CYB5RL: variants seen among roughly 807,000 people sequenced by gnomAD.
CYB5RL encodes cytochrome b5 reductase like.
CYB5RL carries 38 observed loss-of-function variants against 37.5 expected under a neutral mutation model. The ratio of observed to expected loss-of-function variants is 1.01; its 90% CI spans 0.78 to 1.33. The LOEUF (loss-of-function observed/expected upper bound fraction) is 1.33. Ranked by LOEUF, CYB5RL falls within the 40% of genes most tolerant of loss-of-function variation. The pLI is 0.00. For synonymous variants in CYB5RL, 141 were observed against 151.9 expected, an observed-to-expected ratio of 0.93 and a Z score of 0.53; for missense variants, 388 against 394.4, an observed-to-expected ratio of 0.98 and a Z score of 0.14.
rs1659889187 is a variant in CYB5RL at position 54,171,417 on chromosome 1, A to G, written c.*3202T>C. 2.2e-6 allele frequency: 1 copy of G among 456,004 alleles called. No individual in the cohort carries two copies. Among genetic ancestry groups the G allele is most frequent in the Admixed American group, 2.4e-5 (1 of 42,530 alleles). The allele number at this position is 456,004 out of a possible 1,614,324, so 28.2% of individuals were successfully genotyped here. A position where few individuals can be genotyped will look rare whatever the true frequency, so the allele number is the denominator to read the frequency against. On this transcript the variant is annotated 3_prime_UTR_variant, in exon 8 of 8. Coordinates refer to ENST00000534324, the MANE Select transcript of CYB5RL (RefSeq NM_001031672.4). ...AGGCTTGGATTTGTGTGTGGGGAAA[A>G]CTGGTCTGGTCTCAGCGTGGAGGTG...
intron 7 of CYB5RL, among the ~76,000 whole-genome samples, chr1:54,176,314 C>T (rs1219341235): frequency 6.6e-6 from 1 of 152,216 alleles, no homozygotes; most frequent in Non-Finnish European, 1.5e-5. Context: ...GGCAGGATCG[C>T]TTGAGCCCAG....
intron 4 of CYB5RL, among the ~76,000 whole-genome samples, chr1:54,190,381 C>G (rs1357604968): frequency 1.3e-5 from 2 of 152,224 alleles, no homozygotes; most frequent in Admixed American, 1.3e-4. Context: ...CCTTCAAATC[C>G]TGGCTCCAAC....
chr1:54,193,368 T>C (rs1418948612), intron 3 of CYB5RL, among the ~76,000 whole-genome samples: 1 of 152,062 alleles, frequency 6.6e-6, no homozygotes, highest in African/African-American at 2.4e-5. Flanking sequence ...AGTCCTGAGT[T>C]AGGAAGAGAA....
At chr1:54,187,344 T>G (rs1319795435) in intron 5 of CYB5RL, among the ~76,000 whole-genome samples, 1 of 152,140 alleles carries the variant, frequency 6.6e-6, no homozygotes, top group Non-Finnish European at 1.5e-5. Context: ...CACTGCCAAT[T>G]TGTACTCCTT....
intron 3 of CYB5RL, among the ~76,000 whole-genome samples, chr1:54,194,839 C>T (rs1643991463): frequency 6.6e-6 from 1 of 152,142 alleles, no homozygotes; most frequent in African/African-American, 2.4e-5. Flanking sequence ...CTCAGTTTCC[C>T]TATCTGTGTT....
chr1:54,179,073 A>T (rs975346209), intron 7 of CYB5RL, 76 bp downstream of exon 7: 291 of 1,511,884 alleles, frequency 1.9e-4, no homozygotes, highest in Non-Finnish European at 2.5e-4. Flanking sequence ...AAAAGAGGCT[A>T]GAGCTGGTCC....
In CYB5RL at chr1:54,184,042, G is replaced by C; in HGVS notation, c.540+119C>G. ...CATCTTCTCCCATGTCCAACCCCAA[G>C]GATACACCTGGGATTGTGTTTGAGC... On this transcript the variant is annotated intron_variant, in intron 6 of 7. Transcript: ENST00000534324. 2.8e-6 allele frequency: 2 copies of C among 715,628 alleles called. 1 individual carries two copies. The highest frequency in any genetic ancestry group is 4.2e-5 in the South Asian group (2 of 47,164). The allele number at this position is 715,628 out of a possible 1,614,324, so 44.3% of individuals were successfully genotyped here.
chr1:54,183,393 C>G (rs1259337983), intron 6 of CYB5RL, among the ~76,000 whole-genome samples: 1 of 152,190 alleles, frequency 6.6e-6, no homozygotes, highest in African/African-American at 2.4e-5. Flanking sequence ...TTGGTACATA[C>G]TGTCAAAATG....
chr1:54,198,109 G>A (rs1165017264), intron 1 of CYB5RL, among the ~76,000 whole-genome samples: 1 of 150,472 alleles, frequency 6.6e-6, no homozygotes, highest in Non-Finnish European at 1.5e-5. Context: ...CCGGGCATAT[G>A]GAAGGTTCCC....
intron 3 of CYB5RL, 34 bp downstream of exon 3, chr1:54,195,380 GTTGCC>G: frequency 2.6e-6 from 4 of 1,519,646 alleles, no homozygotes; most frequent in Non-Finnish European, 3.5e-6. Context: ...CAAGTAGATT[GTTGCC>G]CTGGTGCTCA....
At chr1:54,183,019 C>T (rs1660204314) in intron 6 of CYB5RL, among the ~76,000 whole-genome samples, 1 of 152,176 alleles carries the variant, frequency 6.6e-6, no homozygotes, top group African/African-American at 2.4e-5. Context: ...CCCATAATTT[C>T]ACCACCCAGA....
At chr1:54,182,469 T>C (rs1660191463) in intron 6 of CYB5RL, among the ~76,000 whole-genome samples, 1 of 152,112 alleles carries the variant, frequency 6.6e-6, no homozygotes, top group Admixed American at 6.5e-5. Context: ...GTGTTTTTTC[T>C]TTTCTTTTTT....
In CYB5RL at chr1:54,171,434, G is replaced by A. The variant is rs1367766926; in HGVS notation, c.*3185C>T. On this transcript the variant is annotated 3_prime_UTR_variant, in exon 8 of 8. Coordinates refer to ENST00000534324, the MANE Select transcript of CYB5RL (RefSeq NM_001031672.4). ...TGGGGAAAACTGGTCTGGTCTCAGC[G>A]TGGAGGTGGCATGGAGACTGGGAGC... The A allele has an allele frequency of 1.1e-5, 5 of 456,162 alleles. No homozygotes were observed. Among genetic ancestry groups the A allele is most frequent in the African/African-American group, 2.0e-5 (1 of 50,046 alleles). The allele number at this position is 456,162 out of a possible 1,614,324, so 28.3% of individuals were successfully genotyped here.
chr1:54,179,340 G>C lies in CYB5RL; in HGVS notation c.553C>G (p.Leu185Val). 1 of 1,612,992 alleles carries C rather than the reference G, an allele frequency of 6.2e-7. No individual in the cohort carries two copies. Among genetic ancestry groups the C allele is most frequent in the Non-Finnish European group, 8.5e-7 (1 of 1,179,710 alleles). The stretch of plus-strand genomic sequence containing the variant: ...AGGCCCGTGCCCGCAGCCAGCAAGA[G>C]GAGCTCACCATACTGGGGAACAGAA... ...FYKPNQYGEL[L>V]LLAAGTGLAP... Residue 185 changes from leucine (L) to valine (V), a missense_variant, in exon 7 of 8, where the codon CTC (leucine) becomes GTC (valine). Coordinates refer to ENST00000534324, the MANE Select transcript of CYB5RL (RefSeq NM_001031672.4).
chr1:54,191,404 C>T (rs1231326029), intron 3 of CYB5RL, among the ~76,000 whole-genome samples: 2 of 152,162 alleles, frequency 1.3e-5, no homozygotes, highest in Non-Finnish European at 2.9e-5. Flanking sequence ...GAATGTCTAA[C>T]CCAATATCTG....
chr1:54,187,543 ATGT>A (rs1643911801), intron 5 of CYB5RL, 106 bp downstream of exon 5: 4 of 1,056,840 alleles, frequency 3.8e-6, no homozygotes, highest in African/African-American at 3.2e-5. Context: ...GCCTTTGTCC[ATGT>A]TGTTCCCAGC....
intron 4 of CYB5RL, among the ~76,000 whole-genome samples, chr1:54,189,941 G>A (rs1444042708): frequency 6.6e-6 from 1 of 152,220 alleles, no homozygotes; most frequent in African/African-American, 2.4e-5. Flanking sequence ...TACCGTAGAT[G>A]CTGGTGTTTC....
chr1:54,187,796 C>A, intron 4 of CYB5RL, 57 bp from the exon 5 acceptor site: 3 of 1,501,934 alleles, frequency 2.0e-6, no homozygotes, highest in Non-Finnish European at 2.8e-6. Context: ...CCTTTTAAGG[C>A]TGGGCACGGT....
rs971675189 is a variant in CYB5RL, at chr1:54,172,090, G to T, written c.*2529C>A. 6.5e-6 allele frequency: 1 copy of T among 153,388 alleles called. No homozygotes were observed. The highest frequency in any genetic ancestry group is 2.4e-5 in the African/African-American group (1 of 41,428). The allele number at this position is 153,388 out of a possible 1,614,324, so 9.5% of individuals were successfully genotyped here. A position where few individuals can be genotyped will look rare whatever the true frequency, so the allele number is the denominator to read the frequency against. Reference sequence around the variant, plus strand: ...ATCTAAATATCTAAACATCTAAAATGAGACAAGGACAGAGATACGAGAACT... The same window carrying T: ...ATCTAAATATCTAAACATCTAAAATTAGACAAGGACAGAGATACGAGAACT... On this transcript the variant is annotated 3_prime_UTR_variant, in exon 8 of 8. Coordinates refer to ENST00000534324, the MANE Select transcript of CYB5RL (RefSeq NM_001031672.4).
Sources: gnomAD v4.1 joint callset for allele counts (sites outside exome capture counted in the v4.1 genomes callset) on GRCh38, gnomAD v4.1.1 for gene constraint, MANE v1.5 for transcripts, NCBI Gene and HGNC (gene_info 2026-07-23, HGNC 2026-07-21) for gene names.